AGO2: variants seen among roughly 807,000 people sequenced by gnomAD.
The protein encoded by AGO2 is protein argonaute-2.
A neutral mutation model predicts 102.3 loss-of-function variants in AGO2; 5 were observed. The ratio of observed to expected loss-of-function variants is 0.05; its 90% CI spans 0.03 to 0.10. The LOEUF is 0.10. Among genes scored for constraint, AGO2 ranks in the 10% least tolerant of loss-of-function variants. AGO2 has a pLI of 1.00. For synonymous variants in AGO2, 449 were observed against 473.1 expected (o/e 0.95, Z 0.66); for missense variants, 541 against 1,183.7 (o/e 0.46, Z 7.97).
At chr8:140,565,670 T>G (rs34231480) in intron 3 of AGO2, among the ~76,000 whole-genome samples, 3,957 of 150,234 alleles carry the variant, frequency 0.026, 72 homozygotes, top group South Asian at 0.039. Context: ...AGAAGAAGAA[T>G]AAACTATATA....
intron 1 of AGO2, among the ~76,000 whole-genome samples, chr8:140,628,659 C>T (rs2074305087): frequency 6.6e-6 from 1 of 151,782 alleles, no homozygotes; most frequent in Non-Finnish European, 1.5e-5. Flanking sequence ...GTCCCAGCTT[C>T]TTGGGAGGTG....
In AGO2 at chr8:140,633,873, T is replaced by C. The variant is rs1296661358; in HGVS notation, c.22+1612A>G. Among the ~76,000 whole-genome samples the C allele has an allele frequency of 3.9e-5, 6 of 152,250 alleles. No individual in the cohort carries two copies. In the East Asian group the frequency reaches 1.2e-3, roughly 29 times the overall value. On this transcript the variant is annotated intron_variant, in intron 1 of 18. Coordinates refer to ENST00000220592, the MANE Select transcript of AGO2 (RefSeq NM_012154.5). ...ACCTCAGCAAGTGGAGTGAATTAAG[T>C]AACACGCAAAACACAACACAGAAAG...
chr8:140,625,985 G>A (rs181992135), intron 1 of AGO2, among the ~76,000 whole-genome samples: 45 of 152,344 alleles, frequency 3.0e-4, no homozygotes, highest in African/African-American at 4.8e-4. Context: ...GCAGCAGCAC[G>A]CACAGGGACC....
intron 1 of AGO2, among the ~76,000 whole-genome samples, chr8:140,610,020 C>T (rs2074055194): frequency 8.1e-6 from 1 of 122,966 alleles, no homozygotes; most frequent in Non-Finnish European, 1.7e-5. Context: ...ACAGCAAGAC[C>T]TTGACTCTAA....
chr8:140,559,374 T>G, intron 6 of AGO2, 21 bp downstream of exon 6: 1 of 1,610,366 alleles, frequency 6.2e-7, no homozygotes, highest in Admixed American at 1.7e-5. Context: ...CTCAGCCAGG[T>G]GTGCTGGGAC....
At chr8:140,532,188 C>T (rs1266123907) in intron 18 of AGO2, 36 bp from the exon 19 acceptor site, 4 of 1,584,694 alleles carry the variant, frequency 2.5e-6, no homozygotes, top group Non-Finnish European at 3.5e-6. Context: ...TGAGAATGTG[C>T]AGCCTTAATG....
chr8:140,597,483 C>CCCCCCCCCCCCCCCG (rs2073865184), intron 1 of AGO2, among the ~76,000 whole-genome samples: 1 of 138,234 alleles, frequency 7.2e-6, no homozygotes, highest in African/African-American at 3.0e-5. Flanking sequence ...CACCCCCCCC[C>CCCCCCCCCCCCCCCG]CCCCGCCCCA....
intron 1 of AGO2, chr8:140,592,134 A>C (rs553442942): frequency 3.4e-5 from 5 of 146,384 alleles, no homozygotes; most frequent in Non-Finnish European, 7.6e-5. Context: ...AAAAAAAAAA[A>C]TACTATAATA....
Position 140,635,632 on chromosome 8 carries a change from A to C in AGO2, c.-126T>G. The C allele has an allele frequency of 6.5e-6, 4 of 616,178 alleles. No individual in the cohort carries two copies. The highest frequency in any genetic ancestry group is 8.0e-6 in the Non-Finnish European group (4 of 498,202). 38.2% of individuals were successfully genotyped at this position (616,178 alleles called of 1,614,324 possible). A position where few individuals can be genotyped will look rare whatever the true frequency, so the allele number is the denominator to read the frequency against. ...CCCCGGCGCGGCCGCCTCGCCAAAC[A>C]GGTTTACCCGACGCGGCCGGGGCGG... On this transcript the variant is annotated 5_prime_UTR_variant, in exon 1 of 19. Coordinates refer to ENST00000220592, the MANE Select transcript of AGO2 (RefSeq NM_012154.5).
At chr8:140,631,547 A>T (rs991867499) in intron 1 of AGO2, among the ~76,000 whole-genome samples, 1 of 152,130 alleles carries the variant, frequency 6.6e-6, no homozygotes. Flanking sequence ...AAAAAAAAAA[A>T]AAAGAAAAAA....
At chr8:140,614,839 G>A (rs1044569270) in intron 1 of AGO2, among the ~76,000 whole-genome samples, 1 of 152,200 alleles carries the variant, frequency 6.6e-6, no homozygotes, top group South Asian at 2.1e-4. Flanking sequence ...CTCAGCATTC[G>A]CCGTGCCCTC....
At chr8:140,604,714 C>T (rs2073973129) in intron 1 of AGO2, among the ~76,000 whole-genome samples, 1 of 151,664 alleles carries the variant, frequency 6.6e-6, no homozygotes, top group South Asian at 2.1e-4. Context: ...GTAGTCCCAG[C>T]TACATGGGGG....
intron 1 of AGO2, among the ~76,000 whole-genome samples, chr8:140,607,999 T>C (rs986131541): frequency 6.6e-6 from 1 of 152,182 alleles, no homozygotes; most frequent in African/African-American, 2.4e-5. Flanking sequence ...AGCTCCTTTA[T>C]GCTCCCCCTG....
intron 1 of AGO2, among the ~76,000 whole-genome samples, chr8:140,632,910 T>C (rs991358978): frequency 4.6e-5 from 7 of 151,842 alleles, no homozygotes; most frequent in African/African-American, 1.4e-4. Context: ...TCTTTTCTTT[T>C]TTTTTTTTTT....
At chr8:140,599,608 G>A (rs761709920) in intron 1 of AGO2, among the ~76,000 whole-genome samples, 3 of 152,118 alleles carry the variant, frequency 2.0e-5, no homozygotes, top group Admixed American at 6.5e-5. Flanking sequence ...AATTTCACAC[G>A]CTCACCCGGG....
chr8:140,562,100 G>T (rs1271191329), intron 4 of AGO2, among the ~76,000 whole-genome samples: 1 of 152,242 alleles, frequency 6.6e-6, no homozygotes, highest in Non-Finnish European at 1.5e-5. Context: ...AGACATGCAT[G>T]CAGCACGAAA....
At chr8:140,619,058 C>T (rs1779361207) in intron 1 of AGO2, among the ~76,000 whole-genome samples, 2 of 152,096 alleles carry the variant, frequency 1.3e-5, no homozygotes, top group Admixed American at 1.3e-4. Flanking sequence ...CCTCCGAGAG[C>T]AGCTGCTGGC....
In AGO2 at chr8:140,614,278, C is replaced by T. The variant is rs1003820843; in HGVS notation, c.22+21207G>A. 4.6e-5 allele frequency among the ~76,000 whole-genome samples: 7 copies of T among 151,866 alleles called. No homozygotes were observed. In the South Asian group the frequency reaches 1.2e-3, roughly 27 times the overall value. ...GGTAGAGGTTGCAGTGAGCCGAGAT[C>T]GTGCCACTGCACTCCAGCCTAGGAG... On this transcript the variant is annotated intron_variant, in intron 1 of 18. Coordinates refer to ENST00000220592, the MANE Select transcript of AGO2 (RefSeq NM_012154.5).
chr8:140,624,860 T>A (rs373033008), intron 1 of AGO2, among the ~76,000 whole-genome samples: 4 of 152,168 alleles, frequency 2.6e-5, no homozygotes, highest in East Asian at 1.9e-4. Flanking sequence ...GGGACGAGGC[T>A]CAAAGAGAAG....
Sources: gnomAD v4.1 joint callset for allele counts (sites outside exome capture counted in the v4.1 genomes callset) on GRCh38, gnomAD v4.1.1 for gene constraint, MANE v1.5 for transcripts, NCBI Gene and HGNC (gene_info 2026-07-23, HGNC 2026-07-21) for gene names.